LOXL3: variants seen among roughly 807,000 people sequenced by gnomAD.
LOXL3 encodes the protein lysyl oxidase homolog 3.
A neutral mutation model predicts 91.8 loss-of-function variants in LOXL3; 60 were observed. The observed-to-expected ratio is 0.65, with a 90% CI of 0.53 to 0.81. The LOEUF is 0.81. LOXL3 is among the 30% of genes least tolerant of loss of function. LOXL3 has a pLI of 0.00. For missense variants in LOXL3, 874 were observed against 1,000.4 expected (o/e 0.87, Z 1.70); for synonymous variants, 355 against 387.6 (o/e 0.92, Z 0.99).
At chr2:74,537,044 A>G in intron 4 of LOXL3, 116 bp from the exon 5 acceptor site, 1 of 769,198 alleles carries the variant, frequency 1.3e-6, no homozygotes, top group Non-Finnish European at 2.1e-6. Context: ...GTGACCATTT[A>G]TCTCCTCTTC....
chr2:74,553,267 C>A (rs1485930497), intron 1 of LOXL3, among the ~76,000 whole-genome samples: 1 of 152,108 alleles, frequency 6.6e-6, no homozygotes, highest in Non-Finnish European at 1.5e-5. Context: ...TGAATGGGAG[C>A]CCAGAGTCCT....
Position 74,536,257 on chromosome 2 carries a change from CT to C in LOXL3, c.1093+33del. 1 of 1,612,728 alleles carries C rather than the reference CT, an allele frequency of 6.2e-7. No individual in the cohort carries two copies. Among genetic ancestry groups the C allele is most frequent in the Middle Eastern group, 1.6e-4 (1 of 6,062 alleles). On this transcript the variant is annotated intron_variant, in intron 6 of 13. Coordinates refer to ENST00000264094, the MANE Select transcript of LOXL3 (RefSeq NM_032603.5). This position sits in a 1 kb window ranked among gnomAD's most constrained non-coding sequence, Gnocchi z 4.5. ...TATGCCCCCCAGGAGCATGTACCTC[CT>C]TCCCTCTCCCTCCCACCTCCATGCC... is the stretch of plus-strand genomic sequence containing the variant.
Position 74,549,270 on chromosome 2 carries a change from T to C in LOXL3, c.692+99A>G. On this transcript the variant is annotated intron_variant, in intron 4 of 13. Coordinates refer to ENST00000264094, the MANE Select transcript of LOXL3 (RefSeq NM_032603.5). The surrounding 1 kb of genome is among the most constrained non-coding windows in gnomAD (Gnocchi z 5.3). ...TTTCCCGCGCGTCCCGACCCCCGGG[T>C]CCTCCCGTGCCCCGGACCTGCTCAG... The C allele has an allele frequency of 7.6e-7, 1 of 1,323,286 alleles. No homozygotes were observed. Among genetic ancestry groups the C allele is most frequent in the Non-Finnish European group, 1.0e-6 (1 of 1,003,894 alleles). The allele number at this position is 1,323,286 out of a possible 1,614,324, so 82.0% of individuals were successfully genotyped here. A position where few individuals can be genotyped will look rare whatever the true frequency, so the allele number is the denominator to read the frequency against.
chr2:74,549,293 C>A lies in LOXL3; in HGVS notation c.692+76G>T. 1 of 1,456,076 alleles carries A rather than the reference C, an allele frequency of 6.9e-7. No individual in the cohort carries two copies. The highest frequency in any genetic ancestry group is 9.1e-7 in the Non-Finnish European group (1 of 1,097,520). The allele number at this position is 1,456,076 out of a possible 1,614,324, so 90.2% of individuals were successfully genotyped here. On this transcript the variant is annotated intron_variant, in intron 4 of 13. Transcript: ENST00000264094. The surrounding 1 kb of genome is among the most constrained non-coding windows in gnomAD (Gnocchi z 5.3). ...GGTCCTCCCGTGCCCCGGACCTGCT[C>A]AGATGTCTCCCAAGGCTATTCATCA...
chr2:74,550,260 A>C lies in LOXL3; in HGVS notation c.402T>G (p.Cys134Trp). The stretch of plus-strand genomic sequence containing the variant: ...TGACCCCAGCATCCTCATCGTGCGT[A>C]CAGTCACTGTTCCCCCAGCCCCGGG... ...CASRGWGNSDCTHDEDAGVIC... is the reference protein window; with the variant it reads ...CASRGWGNSDWTHDEDAGVIC... The change falls in exon 3 of 14, where the codon TGT becomes TGG. Residue 134 changes from cysteine (C) to tryptophan (W), a missense_variant. By Grantham distance (215) the Cys-to-Trp change is radical. Transcript: ENST00000264094. 2 of 1,614,172 alleles carry C rather than the reference A, an allele frequency of 1.2e-6. No individual in the cohort carries two copies. The highest frequency in any genetic ancestry group is 1.7e-6 in the Non-Finnish European group (2 of 1,180,040).
Position 74,535,610 on chromosome 2 carries a change from C to G in LOXL3, c.1394G>C (p.Gly465Ala), listed in dbSNP as rs1309534254. The G allele has an allele frequency of 6.2e-7, 1 of 1,614,112 alleles. No individual in the cohort carries two copies. The highest frequency in any genetic ancestry group is 1.7e-5 in the Admixed American group (1 of 60,010). The change falls in exon 8 of 14, where the codon GGC becomes GCC. Residue 465 changes from glycine to alanine, a missense_variant. Coordinates refer to ENST00000264094, the MANE Select transcript of LOXL3 (RefSeq NM_032603.5). The surrounding 1 kb of genome is among the most constrained non-coding windows in gnomAD (Gnocchi z 4.2). Reference sequence around the variant, plus strand: ...CACCTGCAGGCCGTGGTTGGCGTAGCCCAGACCCAGTTGCCTACAGGCCAC... The same window carrying G: ...CACCTGCAGGCCGTGGTTGGCGTAGGCCAGACCCAGTTGCCTACAGGCCAC... ...AMVACRQLGL[G>A]YANHGLQETW...
At position 74,549,770 on chromosome 2, in the gene LOXL3, G is replaced by GT; in HGVS notation, c.478-188dup. 3 of 1,428,678 alleles carry GT rather than the reference G, an allele frequency of 2.1e-6. No individual in the cohort carries two copies. In the Admixed American group the frequency reaches 8.7e-5, roughly 41 times the overall value. 88.5% of individuals were successfully genotyped at this position (1,428,678 alleles called of 1,614,324 possible). On this transcript the variant is annotated intron_variant, in intron 3 of 13. Transcript: ENST00000264094. The surrounding 1 kb of genome is among the most constrained non-coding windows in gnomAD (Gnocchi z 5.3). The stretch of plus-strand genomic sequence containing the variant: ...TGGACTCTCTTGCAGCCAGCAGCGC[G>GT]TGGGATGTGCTGTGCTCCCAGAGAG...
chr2:74,552,695 G>C, intron 1 of LOXL3, 49 bp from the exon 2 acceptor site: 4 of 1,427,344 alleles, frequency 2.8e-6, no homozygotes, highest in Non-Finnish European at 3.7e-6. Context: ...GATTGAGTGG[G>C]GCCCAGAGTC....
chr2:74,552,248 A>G, intron 2 of LOXL3, 74 bp downstream of exon 2: 1 of 1,404,744 alleles, frequency 7.1e-7, no homozygotes, highest in Non-Finnish European at 9.8e-7. Context: ...TGGCTGTGCC[A>G]TCCTCGTGTT....
Position 74,535,983 on chromosome 2 carries a change from G to A in LOXL3, c.1248+13C>T. On this transcript the variant is annotated intron_variant, in intron 7 of 13. Transcript: ENST00000264094. The surrounding 1 kb of genome is among the most constrained non-coding windows in gnomAD (Gnocchi z 4.2). ...TGAAAGAGACCTCAACCAAGGTAGAGAGGATGACTGACCCTGGTCTCTGCC... is the reference window on the plus strand; with the variant it reads ...TGAAAGAGACCTCAACCAAGGTAGAAAGGATGACTGACCCTGGTCTCTGCC... 5 of 1,556,018 alleles carry A rather than the reference G, an allele frequency of 3.2e-6. No individual in the cohort carries two copies. The highest frequency in any genetic ancestry group is 4.3e-6 in the Non-Finnish European group (5 of 1,154,802).
chr2:74,533,558 G>T lies in LOXL3; in HGVS notation c.*48C>A. 6.5e-7 allele frequency: 1 copy of T among 1,543,548 alleles called. No individual in the cohort carries two copies. Among genetic ancestry groups the T allele is most frequent in the South Asian group, 1.1e-5 (1 of 89,078 alleles). ...AGCTCCTGAGGTAATGGCAGCCTCA[G>T]ACCCCTGCCATTAGGGGCCAGTGGT... On this transcript the variant is annotated 3_prime_UTR_variant, in exon 14 of 14. Coordinates refer to ENST00000264094, the MANE Select transcript of LOXL3 (RefSeq NM_032603.5).
upstream of LOXL3, chr2:74,555,027 CTT>C: frequency 7.1e-7 from 1 of 1,401,042 alleles, no homozygotes; most frequent in Non-Finnish European, 9.6e-7. The surrounding 1 kb of genome is among the most constrained non-coding windows in gnomAD (Gnocchi z 6.1). Flanking sequence ...CCTTGGGAAA[CTT>C]CGCCCCCAAC....
chr2:74,540,746 C>A (rs1043382876), intron 4 of LOXL3, among the ~76,000 whole-genome samples: 1 of 149,090 alleles, frequency 6.7e-6, no homozygotes, highest in Non-Finnish European at 1.5e-5. Context: ...TGGCTCACTG[C>A]AGCCTTATCT....
chr2:74,540,104 C>T (rs1676238548), intron 4 of LOXL3, among the ~76,000 whole-genome samples: 1 of 152,230 alleles, frequency 6.6e-6, no homozygotes, highest in Admixed American at 6.5e-5. Context: ...GTCTTGGCCT[C>T]CCAAAGTGTT....
chr2:74,535,899 C>T lies in LOXL3; in HGVS notation c.1248+97G>A. ...GGTGGGAGCTGCAGGAGGGCAGGGGCCTGGGGCAATGGGCTGGGGGCCATT... is the reference window on the plus strand; with the variant it reads ...GGTGGGAGCTGCAGGAGGGCAGGGGTCTGGGGCAATGGGCTGGGGGCCATT... On this transcript the variant is annotated intron_variant, in intron 7 of 13. Transcript: ENST00000264094. The surrounding 1 kb of genome is among the most constrained non-coding windows in gnomAD (Gnocchi z 4.2). 1 of 1,487,082 alleles carries T rather than the reference C, an allele frequency of 6.7e-7. No individual in the cohort carries two copies. The highest frequency in any genetic ancestry group is 1.4e-5 in the African/African-American group (1 of 71,252). 92.1% of individuals were successfully genotyped at this position (1,487,082 alleles called of 1,614,324 possible). A position where few individuals can be genotyped will look rare whatever the true frequency, so the allele number is the denominator to read the frequency against.
At chr2:74,548,028 AG>A (rs1377950838) in intron 4 of LOXL3, among the ~76,000 whole-genome samples, 1 of 152,276 alleles carries the variant, frequency 6.6e-6, no homozygotes, top group East Asian at 1.9e-4. Flanking sequence ...AGTTGGTGGA[AG>A]GAACATATTT....
In LOXL3 at chr2:74,535,651, C is replaced by A; in HGVS notation, c.1353G>T (p.Gly451=). ...RWGLICGDDW[G]TLEAMVACRQ... ...TACAGGCCACCATGGCCTCCAGGGTCCCCCAGTCATCCCCACAGATGAGGC... is the reference window on the plus strand; with the variant it reads ...TACAGGCCACCATGGCCTCCAGGGTACCCCAGTCATCCCCACAGATGAGGC... The change falls in exon 8 of 14, where the codon GGG becomes GGT. Residue 451 remains glycine (G), a synonymous_variant. Transcript: ENST00000264094. This position sits in a 1 kb window ranked among gnomAD's most constrained non-coding sequence, Gnocchi z 4.2. 2 of 1,613,718 alleles carry A rather than the reference C, an allele frequency of 1.2e-6. No individual in the cohort carries two copies. The highest frequency in any genetic ancestry group is 1.1e-5 in the South Asian group (1 of 91,008).
In LOXL3 at chr2:74,549,280, C is replaced by T. The variant is rs552201726; in HGVS notation, c.692+89G>A. The T allele has an allele frequency of 4.3e-6, 6 of 1,391,730 alleles. No homozygotes were observed. Among genetic ancestry groups the T allele is most frequent in the South Asian group, 1.6e-5 (1 of 64,230 alleles). 86.2% of individuals were successfully genotyped at this position (1,391,730 alleles called of 1,614,324 possible). A position where few individuals can be genotyped will look rare whatever the true frequency, so the allele number is the denominator to read the frequency against. ...GTCCCGACCCCCGGGTCCTCCCGTG[C>T]CCCGGACCTGCTCAGATGTCTCCCA... On this transcript the variant is annotated intron_variant, in intron 4 of 13. Transcript: ENST00000264094. This position sits in a 1 kb window ranked among gnomAD's most constrained non-coding sequence, Gnocchi z 5.3.
intron 4 of LOXL3, among the ~76,000 whole-genome samples, chr2:74,544,434 T>C (rs1205710478): frequency 6.6e-6 from 1 of 152,228 alleles, no homozygotes; most frequent in Non-Finnish European, 1.5e-5. Flanking sequence ...ATAACCTCTC[T>C]TGTCATTTAT....
Sources: gnomAD v4.1 joint callset for allele counts (sites outside exome capture counted in the v4.1 genomes callset) on GRCh38, gnomAD v4.1.1 for gene constraint, Gnocchi (gnomAD v3.1) non-coding constraint, MANE v1.5 for transcripts, NCBI Gene and HGNC (gene_info 2026-07-23, HGNC 2026-07-21) for gene names.